Variants in LDB3 observed in about 807,000 individuals in gnomAD.
LDB3 encodes LIM domain binding 3, also known as LIM domain-binding protein 3.
A neutral mutation model predicts 69.0 loss-of-function variants in LDB3; 49 were observed. That is an observed-to-expected ratio of 0.71 (90% CI 0.56 to 0.90). LDB3 has a LOEUF of 0.90. Among genes scored for constraint, LDB3 ranks in the 40% least tolerant of loss-of-function variants. LDB3 has a pLI of 0.00. For synonymous variants in LDB3, 387 were observed against 396.2 expected, an observed-to-expected ratio of 0.98 and a Z score of 0.28; for missense variants, 928 against 974.1, an observed-to-expected ratio of 0.95 and a Z score of 0.63.
intron 7 of LDB3, among the ~76,000 whole-genome samples, chr10:86,706,056 T>C (rs535226513): frequency 2.6e-5 from 4 of 152,150 alleles, no homozygotes; most frequent in Non-Finnish European, 5.9e-5. Flanking sequence ...TTCTCACAAC[T>C]CCAGAGCCTA....
intron 10 of LDB3, 33 bp from the exon 11 acceptor site, chr10:86,717,931 T>TGCCTTACTGGGTGCC (rs1257632080): frequency 5.6e-6 from 9 of 1,608,514 alleles, no homozygotes; most frequent in Non-Finnish European, 7.7e-6. Flanking sequence ...TTCTGGGAGC[T>TGCCTTACTGGGTGCC]GCCTTACTGG....
At chr10:86,702,829 C>T (rs777240725) in intron 7 of LDB3, among the ~76,000 whole-genome samples, 21 of 152,208 alleles carry the variant, frequency 1.4e-4, no homozygotes, top group Non-Finnish European at 2.2e-4. Flanking sequence ...CCTCTGCCTT[C>T]CCTAGCCCTG....
chr10:86,700,036 T>A (rs933637083), intron 7 of LDB3: 7 of 986,622 alleles, frequency 7.1e-6, no homozygotes, highest in Non-Finnish European at 8.4e-6. Flanking sequence ...TAAAGAAGAT[T>A]TGAAGTGAAC....
At chr10:86,691,849 C>T (rs1845776049) in intron 5 of LDB3, 47 bp from the exon 6 acceptor site, 1 of 1,606,848 alleles carries the variant, frequency 6.2e-7, no homozygotes. Context: ...AGGGTGGGAA[C>T]TGGGCTCCAG....
intron 9 of LDB3, among the ~76,000 whole-genome samples, chr10:86,711,666 G>GCCTCCTCCGGGC (rs1244144426): frequency 1.1e-4 from 17 of 151,878 alleles, no homozygotes; most frequent in African/African-American, 4.1e-4. Context: ...TCCCCCCGGG[G>GCCTCCTCCGGGC]CCTCCTCCGG....
chr10:86,719,440 G>A (rs1846997649), intron 12 of LDB3, among the ~76,000 whole-genome samples: 1 of 151,988 alleles, frequency 6.6e-6, no homozygotes, highest in Non-Finnish European at 1.5e-5. Flanking sequence ...TATGACCACT[G>A]GGAAACCTTT....
chr10:86,704,681 G>A (rs1247449611), intron 7 of LDB3, among the ~76,000 whole-genome samples: 2 of 150,270 alleles, frequency 1.3e-5, no homozygotes, highest in Non-Finnish European at 2.9e-5. Context: ...CTGGGTTCAC[G>A]CCATTCTCCC....
chr10:86,716,289 T>C, intron 9 of LDB3, 38 bp from the exon 10 acceptor site: 1 of 1,608,838 alleles, frequency 6.2e-7, no homozygotes, highest in Non-Finnish European at 8.5e-7. Context: ...AATGAATTCC[T>C]GACACACCTT....
chr10:86,722,132 A>AT (rs1380647538), intron 12 of LDB3, among the ~76,000 whole-genome samples: 4 of 152,286 alleles, frequency 2.6e-5, no homozygotes, highest in Non-Finnish European at 4.4e-5. Flanking sequence ...ATGTGTTAGT[A>AT]TCAGACCCAT....
rs777413488 is a variant in LDB3, at chr10:86,668,746, G to C, written c.55G>C (p.Gly19Arg). The change falls in exon 2 of 14, where the codon GGG (glycine) becomes CGG (arginine). Residue 19 changes from glycine to arginine, a missense_variant. Gly to Arg is a moderately radical substitution (Grantham distance 125). Transcript: ENST00000361373. ...CGGGCCCTGGGGCTTCCGTCTGCAG[G>C]GGGGCAAGGACTTCAACATGCCCCT... ...GPGPWGFRLQGGKDFNMPLTI... is the reference protein window; with the variant it reads ...GPGPWGFRLQRGKDFNMPLTI... The C allele has an allele frequency of 1.2e-6, 2 of 1,613,288 alleles. No individual in the cohort carries two copies. Among genetic ancestry groups the C allele is most frequent in the Non-Finnish European group, 1.7e-6 (2 of 1,179,990 alleles).
chr10:86,732,853 C>T (rs201857410), intron 13 of LDB3, 34 bp from the exon 14 acceptor site: 51 of 1,558,174 alleles, frequency 3.3e-5, no homozygotes, highest in Middle Eastern at 1.7e-4. Flanking sequence ...CCCTGTGCCA[C>T]GTGGGTCTCA....
intron 5 of LDB3, among the ~76,000 whole-genome samples, chr10:86,688,640 T>C (rs1845616259): frequency 6.6e-6 from 1 of 152,194 alleles, no homozygotes; most frequent in African/African-American, 2.4e-5. Context: ...AACACAAGCA[T>C]TAGCTCATGC....
rs1047945708 is a variant in LDB3, at chr10:86,672,801, T to C, written c.93+4017T>C. Among the ~76,000 whole-genome samples the C allele has an allele frequency of 9.2e-5, 14 of 152,250 alleles. 1 individual carries two copies. Among genetic ancestry groups the C allele is most frequent in the African/African-American group, 2.7e-4 (11 of 41,474 alleles). On this transcript the variant is annotated intron_variant, in intron 2 of 13. Coordinates refer to ENST00000361373, the MANE Select transcript of LDB3 (RefSeq NM_007078.3). ...GGCTGGCTGGGTCCTGGGGAATGAA[T>C]TGGACCCTTGGAGGCCCCTGGGCCA...
chr10:86,682,850 T>C (rs114328910), intron 5 of LDB3, among the ~76,000 whole-genome samples: 1,775 of 152,318 alleles, frequency 0.012, 41 homozygotes, highest in African/African-American at 0.04. Context: ...CCGGTCAGTC[T>C]GGCCCAAGCC....
chr10:86,683,763 G>A (rs1190922998), intron 5 of LDB3, among the ~76,000 whole-genome samples: 1 of 152,208 alleles, frequency 6.6e-6, no homozygotes, highest in African/African-American at 2.4e-5. Context: ...CTGCTGGGCT[G>A]AGGCCACCAC....
chr10:86,721,245 G>GT (rs1847075784), intron 12 of LDB3, among the ~76,000 whole-genome samples: 1 of 152,162 alleles, frequency 6.6e-6, no homozygotes, highest in Non-Finnish European at 1.5e-5. Flanking sequence ...GTTATTTTCT[G>GT]TTTTTTAAAA....
At position 86,699,125 on chromosome 10, in the gene LDB3, C is replaced by T. The variant is rs1846139639; in HGVS notation, c.896+6554C>T. ...ATGGATTGCATAGCTTCTCCAAGCC[C>T]GTTCCCTCCCTCCCATGCCCTCTGC... On this transcript the variant is annotated intron_variant, in intron 7 of 13. Transcript: ENST00000361373. The surrounding 1 kb of genome is among the most constrained non-coding windows in gnomAD (Gnocchi z 4.9). 6.6e-6 allele frequency among the ~76,000 whole-genome samples: 1 copy of T among 152,030 alleles called. No homozygotes were observed. Among genetic ancestry groups the T allele is most frequent in the African/African-American group, 2.4e-5 (1 of 41,384 alleles).
chr10:86,706,105 G>T (rs1846430244), intron 7 of LDB3, among the ~76,000 whole-genome samples: 1 of 152,066 alleles, frequency 6.6e-6, no homozygotes, highest in Non-Finnish European at 1.5e-5. Flanking sequence ...TGCTTTTTTT[G>T]CTGTATCATT....
Position 86,722,492 on chromosome 10 carries a change from T to C in LDB3, c.1978+3645T>C, listed in dbSNP as rs373101794. Reference sequence around the variant, plus strand: ...AGCCAGGATGGTCTCGATCTCCTGATCTCGTGATCCGCCCACCTTGGCCTC... The same window carrying C: ...AGCCAGGATGGTCTCGATCTCCTGACCTCGTGATCCGCCCACCTTGGCCTC... On this transcript the variant is annotated intron_variant, in intron 12 of 13. Coordinates refer to ENST00000361373, the MANE Select transcript of LDB3 (RefSeq NM_007078.3). Among the ~76,000 whole-genome samples the C allele has an allele frequency of 2.2e-4, 33 of 150,904 alleles. No homozygotes were observed. In the East Asian group the frequency reaches 3.9e-3, roughly 18 times the overall value.
Sources: gnomAD v4.1 joint callset for allele counts (sites outside exome capture counted in the v4.1 genomes callset) on GRCh38, gnomAD v4.1.1 for gene constraint, Gnocchi (gnomAD v3.1) non-coding constraint, MANE v1.5 for transcripts, NCBI Gene and HGNC (gene_info 2026-07-23, HGNC 2026-07-21) for gene names.